CHCHD6: variants seen among roughly 807,000 people sequenced by gnomAD.
CHCHD6 encodes coiled-coil-helix-coiled-coil-helix domain containing 6.
CHCHD6 carries 28 observed loss-of-function variants against 32.3 expected under a neutral mutation model. The ratio of observed to expected loss-of-function variants is 0.87; its 90% confidence interval spans 0.64 to 1.19. The LOEUF is 1.19. CHCHD6 is among the 50% of genes most tolerant of loss of function. The pLI is 0.00. For missense variants in CHCHD6, 333 were observed against 307.0 expected (o/e 1.08, Z -0.63); for synonymous variants, 122 against 117.5 (o/e 1.04, Z -0.25).
intron 4 of CHCHD6, among the ~76,000 whole-genome samples, chr3:126,798,346 T>C (rs1017974933): frequency 1.3e-5 from 2 of 152,196 alleles, no homozygotes; most frequent in Middle Eastern, 3.2e-3. Flanking sequence ...CTGGGCCTGC[T>C]AAAACCTCAC....
At chr3:126,790,976 G>A (rs1287277833) in intron 4 of CHCHD6, among the ~76,000 whole-genome samples, 1 of 152,164 alleles carries the variant, frequency 6.6e-6, no homozygotes, top group East Asian at 1.9e-4. Flanking sequence ...GGTCTTTGAT[G>A]ATAGTGAGGT....
At chr3:126,941,331 G>C (rs2078555772) in intron 6 of CHCHD6, among the ~76,000 whole-genome samples, 1 of 152,088 alleles carries the variant, frequency 6.6e-6, no homozygotes, top group African/African-American at 2.4e-5. Flanking sequence ...TTACACACTT[G>C]AGTCTATTTC....
chr3:126,940,477 C>T (rs941162852), intron 6 of CHCHD6, among the ~76,000 whole-genome samples: 6 of 152,044 alleles, frequency 3.9e-5, no homozygotes, highest in Admixed American at 1.3e-4. Context: ...TGGTTTTCTA[C>T]GTTTTATCAA....
intron 5 of CHCHD6, among the ~76,000 whole-genome samples, chr3:126,908,465 T>C (rs1281013035): frequency 6.6e-6 from 1 of 152,234 alleles, no homozygotes; most frequent in Non-Finnish European, 1.5e-5. Context: ...GTCCTGATCA[T>C]CTTTTCAGAT....
chr3:126,862,565 T>C (rs1483173026), intron 5 of CHCHD6, among the ~76,000 whole-genome samples: 6 of 56,672 alleles, frequency 1.1e-4, no homozygotes, highest in Admixed American at 1.9e-4. Flanking sequence ...TCCTCCACCA[T>C]CACCACCTCC....
intron 6 of CHCHD6, among the ~76,000 whole-genome samples, chr3:126,946,574 C>T (rs2078642572): frequency 6.6e-6 from 1 of 152,202 alleles, no homozygotes; most frequent in South Asian, 2.1e-4. Context: ...TGGAGCCCGG[C>T]ATCCTGCAGT....
At chr3:126,706,020 G>C (rs1023887013) in intron 1 of CHCHD6, among the ~76,000 whole-genome samples, 1 of 152,174 alleles carries the variant, frequency 6.6e-6, no homozygotes, top group African/African-American at 2.4e-5. Flanking sequence ...GGATTAAATG[G>C]GGGAGGAGAT....
chr3:126,762,109 T>A (rs1485367767), intron 4 of CHCHD6, among the ~76,000 whole-genome samples: 3 of 152,210 alleles, frequency 2.0e-5, no homozygotes, highest in Admixed American at 2.0e-4. Flanking sequence ...TTTGACTTCA[T>A]TGATTATCTT....
intron 4 of CHCHD6, among the ~76,000 whole-genome samples, chr3:126,786,266 T>G (rs1162847051): frequency 5.3e-5 from 8 of 152,208 alleles, no homozygotes; most frequent in African/African-American, 1.2e-4. Context: ...TTTGCTATTG[T>G]GAATGGTGCC....
intron 2 of CHCHD6, among the ~76,000 whole-genome samples, chr3:126,727,933 T>A (rs190578837): frequency 5.3e-5 from 8 of 152,278 alleles, no homozygotes; most frequent in Admixed American, 5.2e-4. Context: ...CATACTTGTT[T>A]TTGAGAACTT....
chr3:126,758,172 A>G (rs779963927), intron 4 of CHCHD6, among the ~76,000 whole-genome samples: 1 of 152,232 alleles, frequency 6.6e-6, no homozygotes, highest in Non-Finnish European at 1.5e-5. Flanking sequence ...AAAAGGCCCC[A>G]GCTAAATAGA....
intron 5 of CHCHD6, among the ~76,000 whole-genome samples, chr3:126,874,550 C>T (rs991095081): frequency 3.9e-5 from 6 of 152,122 alleles, no homozygotes; most frequent in East Asian, 3.9e-4. Context: ...TCATCTTCCC[C>T]GGGAAATATG....
intron 1 of CHCHD6, among the ~76,000 whole-genome samples, chr3:126,709,122 G>A (rs1460346277): frequency 1.3e-5 from 2 of 152,136 alleles, no homozygotes. Flanking sequence ...TATTTTTAAA[G>A]ATTTGTATAA....
chr3:126,934,439 AGT>A (rs1328090971), intron 6 of CHCHD6, among the ~76,000 whole-genome samples: 21 of 149,302 alleles, frequency 1.4e-4, no homozygotes, highest in African/African-American at 5.2e-4. Flanking sequence ...ACAGTGCTGC[AGT>A]GTTCCGGGCA....
At chr3:126,784,209 A>G (rs1050346622) in intron 4 of CHCHD6, among the ~76,000 whole-genome samples, 1 of 152,140 alleles carries the variant, frequency 6.6e-6, no homozygotes, top group Admixed American at 6.6e-5. Context: ...TTTATTCTCC[A>G]TAAGAAACCC....
intron 4 of CHCHD6, among the ~76,000 whole-genome samples, chr3:126,746,273 C>T (rs998714): frequency 0.066 from 10,111 of 152,240 alleles, 1,117 homozygotes; most frequent in African/African-American, 0.23. Context: ...CCTCGCACAG[C>T]GGGCATGGCC....
chr3:126,777,376 A>G (rs989528882), intron 4 of CHCHD6, among the ~76,000 whole-genome samples: 1 of 152,196 alleles, frequency 6.6e-6, no homozygotes, highest in Non-Finnish European at 1.5e-5. Context: ...TCAGCATCAG[A>G]TCAGCCCCAG....
chr3:126,891,437 G>A (rs1406515419), intron 5 of CHCHD6, among the ~76,000 whole-genome samples: 3 of 152,160 alleles, frequency 2.0e-5, no homozygotes, highest in Non-Finnish European at 4.4e-5. Context: ...AGTGGGAGTG[G>A]GAGATGGGCG....
At chr3:126,932,158 C>A in intron 6 of CHCHD6, among the ~76,000 whole-genome samples, 1 of 152,130 alleles carries the variant, frequency 6.6e-6, no homozygotes, top group Middle Eastern at 3.2e-3. Context: ...GCTTCAGAGC[C>A]TTCACCATGC....
Sources: allele counts gnomAD v4.1 joint callset (sites outside exome capture counted in the v4.1 genomes callset), GRCh38; gene constraint gnomAD v4.1.1; transcripts MANE v1.5; gene names NCBI Gene and HGNC (gene_info 2026-07-23, HGNC 2026-07-21).